MPZL1: variants seen among roughly 807,000 people sequenced by gnomAD.
MPZL1 encodes myelin protein zero-like protein 1.
MPZL1 carries 16 observed loss-of-function variants against 29.3 expected under a neutral mutation model. That is an observed-to-expected ratio of 0.55 (90% CI 0.37 to 0.83). The LOEUF is 0.83. MPZL1 is among the 40% of genes least tolerant of loss of function. The pLI is 0.00. For synonymous variants in MPZL1, 143 were observed against 132.0 expected, an observed-to-expected ratio of 1.08 and a Z score of -0.57; for missense variants, 279 against 332.9, an observed-to-expected ratio of 0.84 and a Z score of 1.26.
chr1:167,731,435 T>TG (rs1491435043), intron 1 of MPZL1, among the ~76,000 whole-genome samples: 11 of 113,810 alleles, frequency 9.7e-5, no homozygotes, highest in Non-Finnish European at 1.4e-4. Context: ...AAACTGTGTC[T>TG]TTTTTTTTTT....
At chr1:167,778,756 A>G (rs996265311) in intron 5 of MPZL1, among the ~76,000 whole-genome samples, 1 of 152,010 alleles carries the variant, frequency 6.6e-6, no homozygotes, top group African/African-American at 2.4e-5. Context: ...AAAGAAATAG[A>G]TATCTAAAAC....
chr1:167,765,481 T>A (rs1661093152), intron 1 of MPZL1, 102 bp from the exon 2 acceptor site: 1 of 939,674 alleles, frequency 1.1e-6, no homozygotes, highest in Non-Finnish European at 1.6e-6. Context: ...AATTACTGTA[T>A]ATATCTAGTA....
At chr1:167,729,802 C>A (rs907442768) in intron 1 of MPZL1, among the ~76,000 whole-genome samples, 8 of 152,142 alleles carry the variant, frequency 5.3e-5, no homozygotes, top group African/African-American at 1.4e-4. Flanking sequence ...ATGTGCCACG[C>A]CTTTGCTAAA....
Position 167,752,815 on chromosome 1 carries a change from T to A in MPZL1, c.92-12768T>A, listed in dbSNP as rs142022166. Among the ~76,000 whole-genome samples, 77 of 152,264 alleles carry A rather than the reference T, an allele frequency of 5.1e-4. 1 individual carries two copies. In the East Asian group the frequency reaches 0.014, roughly 28 times the overall value. On this transcript the variant is annotated intron_variant, in intron 1 of 5. Coordinates refer to ENST00000359523, the MANE Select transcript of MPZL1 (RefSeq NM_003953.6). ...GGTTTCCTTATTTTAGGAAAAAAAATAGTGCTTATATGTTTCATTAATCAT... is the reference window on the plus strand; with the variant it reads ...GGTTTCCTTATTTTAGGAAAAAAAAAAGTGCTTATATGTTTCATTAATCAT...
intron 1 of MPZL1, among the ~76,000 whole-genome samples, chr1:167,762,074 C>T (rs1661001967): frequency 6.6e-6 from 1 of 152,094 alleles, no homozygotes; most frequent in Non-Finnish European, 1.5e-5. Context: ...GGTGCAGGTA[C>T]TGATGATTGG....
intron 1 of MPZL1, among the ~76,000 whole-genome samples, chr1:167,741,791 G>A (rs1660532990): frequency 6.6e-6 from 1 of 152,084 alleles, no homozygotes; most frequent in African/African-American, 2.4e-5. Context: ...CCAGCACTTT[G>A]GGAGGTCAAG....
chr1:167,747,588 T>A (rs906533921), intron 1 of MPZL1, among the ~76,000 whole-genome samples: 1 of 152,188 alleles, frequency 6.6e-6, no homozygotes. Flanking sequence ...AAAGAATACA[T>A]GATAAAAAGT....
intron 1 of MPZL1, among the ~76,000 whole-genome samples, chr1:167,763,733 G>A (rs982187472): frequency 1.3e-5 from 2 of 152,184 alleles, no homozygotes; most frequent in South Asian, 2.1e-4. Flanking sequence ...GCTTTTCTGC[G>A]TACCCACAAT....
chr1:167,775,960 ATC>A, intron 4 of MPZL1, 102 bp from the exon 5 acceptor site: 1 of 657,914 alleles, frequency 1.5e-6, no homozygotes, highest in Non-Finnish European at 2.4e-6. Flanking sequence ...GTTTTTATAT[ATC>A]TGTTGCTTCA....
rs190661858 is a variant in MPZL1 at position 167,787,911 on chromosome 1, G to A, written c.800G>A (p.Arg267Gln). Reference protein sequence around the residue: ...KSESVVYADIRKN With the variant: ...KSESVVYADIQKN ...GAGTCTGTGGTGTATGCGGATATCC[G>A]AAAGAATTAAGAGAATACCTAGAAC... The change falls in exon 6 of 6, where the codon CGA (arginine) becomes CAA (glutamine). Residue 267 changes from arginine to glutamine, a missense_variant. By Grantham distance (43) the Arg-to-Gln change is conservative. Transcript: ENST00000359523. 7.5e-5 allele frequency: 120 copies of A among 1,609,520 alleles called. No individual in the cohort carries two copies. The highest frequency in any genetic ancestry group is 8.6e-5 in the Non-Finnish European group (101 of 1,175,812).
intron 1 of MPZL1, among the ~76,000 whole-genome samples, chr1:167,739,288 T>TATATATATAC (rs1660459353): frequency 9.2e-6 from 1 of 108,306 alleles, no homozygotes; most frequent in Admixed American, 8.4e-5. Context: ...TATACATATA[T>TATATATATAC]ATATATATAT....
At position 167,722,854 on chromosome 1, in the gene MPZL1, A is replaced by C. The variant is rs1187841318; in HGVS notation, c.91+612A>C. Among the ~76,000 whole-genome samples the C allele has an allele frequency of 2.6e-5, 4 of 152,226 alleles. No individual in the cohort carries two copies. In the East Asian group the frequency reaches 7.7e-4, roughly 29 times the overall value. ...TTGTTACTTCTAGGTTAGAATGCAA[A>C]GAGCTTGGAATACCAGTGAGATGGC... is the stretch of plus-strand genomic sequence containing the variant. On this transcript the variant is annotated intron_variant, in intron 1 of 5. Transcript: ENST00000359523.
At chr1:167,754,232 C>T (rs987351713) in intron 1 of MPZL1, among the ~76,000 whole-genome samples, 3 of 152,032 alleles carry the variant, frequency 2.0e-5, no homozygotes, top group Admixed American at 1.3e-4. Context: ...CTCCTGAGCT[C>T]AAGCGATCCA....
intron 1 of MPZL1, among the ~76,000 whole-genome samples, chr1:167,725,828 C>A (rs1157161849): frequency 6.6e-6 from 1 of 151,860 alleles, no homozygotes; most frequent in East Asian, 1.9e-4. Context: ...CCATGTTTGC[C>A]AGGTCTGGAA....
At chr1:167,769,027 A>G (rs1661185637) in intron 2 of MPZL1, among the ~76,000 whole-genome samples, 1 of 152,248 alleles carries the variant, frequency 6.6e-6, no homozygotes, top group Non-Finnish European at 1.5e-5. Flanking sequence ...TGGAAATAGC[A>G]TAAGCTTTGA....
intron 1 of MPZL1, among the ~76,000 whole-genome samples, chr1:167,728,079 G>A (rs1660188964): frequency 7.6e-6 from 1 of 131,458 alleles, no homozygotes; most frequent in African/African-American, 2.8e-5. Flanking sequence ...CACTCCTGTT[G>A]CCCAGGCTGG....
rs751734544 is a variant in MPZL1, at chr1:167,773,310, A to G, written c.547A>G (p.Ile183Val). The G allele has an allele frequency of 6.2e-7, 1 of 1,613,928 alleles. No homozygotes were observed. The highest frequency in any genetic ancestry group is 1.6e-4 in the Middle Eastern group (1 of 6,062). ...TGTGGTCCTAGGTCTCACTCTGCTC[A>G]TCAGCATGATTCTGGCTGTCCTCTA... ...TAVVLGLTLL[I>V]SMILAVLYRR... The change falls in exon 4 of 6, where the codon ATC (isoleucine) becomes GTC (valine). Residue 183 changes from isoleucine to valine, a missense_variant. Physicochemically the swap from Ile to Val is conservative, Grantham distance 29 (BLOSUM62 3). Coordinates refer to ENST00000359523, the MANE Select transcript of MPZL1 (RefSeq NM_003953.6).
chr1:167,737,880 C>T (rs1660406940), intron 1 of MPZL1, among the ~76,000 whole-genome samples: 1 of 152,064 alleles, frequency 6.6e-6, no homozygotes, highest in Non-Finnish European at 1.5e-5. Context: ...TACAGAGAAC[C>T]AATATCATCC....
chr1:167,737,917 T>TTTTGTTTG (rs566855772), intron 1 of MPZL1, among the ~76,000 whole-genome samples: 10 of 143,664 alleles, frequency 7.0e-5, no homozygotes, highest in African/African-American at 2.5e-4. Flanking sequence ...TCTTGTGTTT[T>TTTTGTTTG]TTTGTTTGTT....
Sources: allele counts gnomAD v4.1 joint callset (sites outside exome capture counted in the v4.1 genomes callset), GRCh38; gene constraint gnomAD v4.1.1; transcripts MANE v1.5; gene names NCBI Gene and HGNC (gene_info 2026-07-23, HGNC 2026-07-21).